The following COL19A1 variants were observed in gnomAD, a reference collection of about 807,000 sequenced individuals.
COL19A1 encodes the protein collagen type XIX alpha 1 chain, also known as collagen alpha-1(XIX) chain.
COL19A1 carries 159 observed loss-of-function variants against 190.2 expected under a neutral mutation model. The observed-to-expected ratio is 0.84, with a 90% CI of 0.73 to 0.95. The LOEUF (loss-of-function observed/expected upper bound fraction) is 0.95, where lower values mean the gene tolerates loss of function less well. Ranked by LOEUF, COL19A1 falls within the 40% of genes least tolerant of loss-of-function variation. COL19A1 has a pLI of 0.00. For synonymous variants in COL19A1, 509 were observed against 458.9 expected (o/e 1.11, Z -1.39); for missense variants, 1,418 against 1,431.9 (o/e 0.99, Z 0.16).
chr6:69,904,240 A>G (rs1421126194), intron 4 of COL19A1, among the ~76,000 whole-genome samples: 1 of 152,170 alleles, frequency 6.6e-6, no homozygotes, highest in Non-Finnish European at 1.5e-5. Flanking sequence ...ATTTGCACAA[A>G]ATGAGTATAT....
At chr6:69,892,493 A>T (rs1370381168) in intron 2 of COL19A1, among the ~76,000 whole-genome samples, 1 of 152,240 alleles carries the variant, frequency 6.6e-6, no homozygotes, top group African/African-American at 2.4e-5. Context: ...CTTTACTTTT[A>T]TACTTGGCCT....
intron 16 of COL19A1, among the ~76,000 whole-genome samples, chr6:70,108,318 A>G (rs939070865): frequency 2.1e-4 from 32 of 152,088 alleles, no homozygotes; most frequent in African/African-American, 6.5e-4. Context: ...TATTGTTTTT[A>G]TGCATTGTTT....
intron 2 of COL19A1, among the ~76,000 whole-genome samples, chr6:69,885,745 T>C (rs1768878146): frequency 6.6e-6 from 1 of 152,172 alleles, no homozygotes; most frequent in Admixed American, 6.5e-5. Flanking sequence ...TTCCTGTGTC[T>C]GGCTTATTTT....
intron 11 of COL19A1, among the ~76,000 whole-genome samples, chr6:70,008,429 C>A (rs1028084003): frequency 2.6e-4 from 39 of 151,806 alleles, no homozygotes; most frequent in African/African-American, 9.4e-4. Flanking sequence ...CTAATAAATT[C>A]TATAATACAG....
chr6:70,192,293 G>A (rs1240442587), intron 48 of COL19A1, among the ~76,000 whole-genome samples: 1 of 152,080 alleles, frequency 6.6e-6, no homozygotes, highest in African/African-American at 2.4e-5. Flanking sequence ...TAAAGGTCGT[G>A]AATTTATGCT....
intron 31 of COL19A1, among the ~76,000 whole-genome samples, chr6:70,151,711 G>A (rs1787067789): frequency 6.6e-6 from 1 of 152,030 alleles, no homozygotes; most frequent in South Asian, 2.1e-4. Flanking sequence ...TTGGCTACAG[G>A]GAAGGAATTA....
At chr6:70,161,677 A>G (rs1176127311) in intron 34 of COL19A1, among the ~76,000 whole-genome samples, 1 of 152,116 alleles carries the variant, frequency 6.6e-6, no homozygotes, top group Non-Finnish European at 1.5e-5. Flanking sequence ...ACCATTATAC[A>G]ATTTATCCAC....
chr6:69,893,052 C>T (rs77669381), intron 2 of COL19A1, among the ~76,000 whole-genome samples: 33 of 152,150 alleles, frequency 2.2e-4, no homozygotes, highest in African/African-American at 3.6e-4. Flanking sequence ...TATTAAAGGC[C>T]GTAAAAGGTT....
intron 1 of COL19A1, among the ~76,000 whole-genome samples, chr6:69,867,055 G>A (rs1009444231): frequency 1.3e-5 from 2 of 150,104 alleles, no homozygotes; most frequent in African/African-American, 4.9e-5. Flanking sequence ...GGTTAAAGGA[G>A]TAAAACAAAC....
Position 70,165,937 on chromosome 6 carries a change from G to T in COL19A1, c.2401-4G>T. The T allele has an allele frequency of 6.2e-7, 1 of 1,613,856 alleles. No homozygotes were observed. Among genetic ancestry groups the T allele is most frequent in the South Asian group, 1.1e-5 (1 of 91,074 alleles). On this transcript the variant is annotated splice_region_variant and splice_polypyrimidine_tract_variant and intron_variant, in intron 36 of 50. Transcript: ENST00000620364. ...CCGCTGATATGTCTATATATCCCTT[G>T]CAGGGCAGCGACGGACCCCCTGGGA...
At chr6:70,176,697 G>C (rs1157979931) in intron 42 of COL19A1, 133 bp downstream of exon 42, 1 of 651,950 alleles carries the variant, frequency 1.5e-6, no homozygotes, top group African/African-American at 1.9e-5. Flanking sequence ...GACAATTCTA[G>C]TTTCATAAAT....
Position 69,902,609 on chromosome 6 carries a change from C to G in COL19A1, c.266+2271C>G, listed in dbSNP as rs188482712. Among the ~76,000 whole-genome samples the G allele has an allele frequency of 1.4e-4, 22 of 152,236 alleles. No individual in the cohort carries two copies. In the East Asian group the frequency reaches 4.2e-3, roughly 29 times the overall value. On this transcript the variant is annotated intron_variant, in intron 4 of 50. Coordinates refer to ENST00000620364, the MANE Select transcript of COL19A1 (RefSeq NM_001858.6). Reference sequence around the variant, plus strand: ...CAACGCAGTAACCAAGAGCTTCTGCCCTGGGCAATAGTATCACACCTTATC... The same window carrying G: ...CAACGCAGTAACCAAGAGCTTCTGCGCTGGGCAATAGTATCACACCTTATC...
chr6:69,956,386 T>C (rs1774421181), intron 9 of COL19A1, among the ~76,000 whole-genome samples: 1 of 151,974 alleles, frequency 6.6e-6, no homozygotes, highest in Admixed American at 6.6e-5. Flanking sequence ...TTCTTTGCTA[T>C]ATATATATTT....
chr6:70,046,957 A>G (rs532576705), intron 14 of COL19A1, among the ~76,000 whole-genome samples: 12 of 152,270 alleles, frequency 7.9e-5, no homozygotes, highest in African/African-American at 2.2e-4. Flanking sequence ...TTTCATATAT[A>G]TGTACCAACT....
At chr6:70,152,407 A>G (rs1787121676) in intron 31 of COL19A1, among the ~76,000 whole-genome samples, 1 of 152,148 alleles carries the variant, frequency 6.6e-6, no homozygotes, top group Non-Finnish European at 1.5e-5. Flanking sequence ...TGTAAGGTAG[A>G]GTTTTGAGAA....
chr6:70,111,336 C>A (rs1419451349), intron 16 of COL19A1, among the ~76,000 whole-genome samples: 1 of 152,046 alleles, frequency 6.6e-6, no homozygotes, highest in Non-Finnish European at 1.5e-5. Flanking sequence ...AACAAGTTTT[C>A]AGCATTGTCT....
At chr6:70,066,249 C>T (rs2150148162) in intron 14 of COL19A1, among the ~76,000 whole-genome samples, 1 of 152,128 alleles carries the variant, frequency 6.6e-6, no homozygotes, top group East Asian at 1.9e-4. Context: ...CACATATACA[C>T]CATGGAATAC....
chr6:70,199,522 G>A (rs763874631), intron 48 of COL19A1, 86 bp from the exon 49 acceptor site: 43 of 1,057,056 alleles, frequency 4.1e-5, no homozygotes, highest in Non-Finnish European at 4.9e-5. Context: ...AAATCTTTTT[G>A]TTTGTTTGAT....
intron 47 of COL19A1, among the ~76,000 whole-genome samples, chr6:70,189,071 A>G (rs79644033): frequency 0.039 from 5,904 of 152,314 alleles, 154 homozygotes; most frequent in Non-Finnish European, 0.06. Flanking sequence ...TCATTAATGA[A>G]ATAGAGCATT....
Sources: allele counts gnomAD v4.1 joint callset (sites outside exome capture counted in the v4.1 genomes callset), GRCh38; gene constraint gnomAD v4.1.1; transcripts MANE v1.5; gene names NCBI Gene and HGNC (gene_info 2026-07-23, HGNC 2026-07-21).